CFAP54: variants seen among roughly 807,000 people sequenced by gnomAD.
The protein encoded by CFAP54 is cilia and flagella associated protein 54, also known as cilia- and flagella-associated protein 54.
Under a neutral mutation model 370.4 loss-of-function variants are expected in CFAP54, and 290 were observed. The observed-to-expected ratio is 0.78, with a 90% CI of 0.71 to 0.86. CFAP54 has a LOEUF of 0.86. Among genes scored for constraint, CFAP54 ranks in the 40% least tolerant of loss-of-function variants. The pLI, the probability that CFAP54 is intolerant of heterozygous loss-of-function variation, is 0.00. For missense variants in CFAP54, 3,399 were observed against 3,528.7 expected (o/e 0.96, Z 0.93); for synonymous variants, 1,206 against 1,236.5 (o/e 0.98, Z 0.52).
chr12:96,499,947 A>AAAAACAAAAG (rs373354448), intron 1 of CFAP54, among the ~76,000 whole-genome samples: 2 of 148,684 alleles, frequency 1.3e-5, no homozygotes, highest in Non-Finnish European at 3.0e-5. Context: ...ACTCCATCTC[A>AAAAACAAAAG]AAAACAAAAC....
Position 96,767,815 on chromosome 12 carries a change from T to C in CFAP54, c.8281+2597T>C, listed in dbSNP as rs531233140. 1.3e-4 allele frequency among the ~76,000 whole-genome samples: 20 copies of C among 152,180 alleles called. No individual in the cohort carries two copies. In the East Asian group the frequency reaches 3.7e-3, roughly 28 times the overall value. On this transcript the variant is annotated intron_variant, in intron 60 of 67. Coordinates refer to ENST00000524981, the MANE Select transcript of CFAP54 (RefSeq NM_001306084.2). ...ATAAATTAGCATCCAGCAAAAAACC[T>C]CCTCAGTAATCTTAGCTTTAAACAA... is the stretch of plus-strand genomic sequence containing the variant.
intron 1 of CFAP54, among the ~76,000 whole-genome samples, chr12:96,492,780 G>A (rs1007285034): frequency 2.0e-5 from 3 of 152,298 alleles, no homozygotes; most frequent in South Asian, 2.1e-4. Context: ...ATCACCTGCA[G>A]TCAGGAGTTC....
intron 45 of CFAP54, among the ~76,000 whole-genome samples, chr12:96,699,217 A>G (rs1180720378): frequency 2.0e-5 from 3 of 152,208 alleles, no homozygotes; most frequent in African/African-American, 7.2e-5. Flanking sequence ...GGTTGCGGAC[A>G]GCCAATTTCC....
chr12:96,520,257 C>T (rs1467004728), intron 6 of CFAP54, among the ~76,000 whole-genome samples: 1 of 152,094 alleles, frequency 6.6e-6, no homozygotes, highest in Non-Finnish European at 1.5e-5. Flanking sequence ...TATAACTTAA[C>T]TTCAGGCTGG....
chr12:96,745,175 A>G (rs1958099948), intron 55 of CFAP54, among the ~76,000 whole-genome samples: 1 of 152,210 alleles, frequency 6.6e-6, no homozygotes, highest in Admixed American at 6.5e-5. Context: ...TTTAGAATAG[A>G]GTGATTTATA....
intron 67 of CFAP54, among the ~76,000 whole-genome samples, chr12:96,869,826 T>G (rs758402261): frequency 1.4e-3 from 206 of 150,588 alleles, no homozygotes; most frequent in Non-Finnish European, 2.3e-3. Context: ...TCCCAGCTAC[T>G]TGGGAGGCTG....
intron 60 of CFAP54, among the ~76,000 whole-genome samples, chr12:96,768,033 T>G (rs1324663799): frequency 6.6e-6 from 1 of 152,054 alleles, no homozygotes; most frequent in African/African-American, 2.4e-5. Context: ...TAGACATTCA[T>G]TTTTTGGCCA....
At chr12:96,855,485 G>T (rs911699788) in intron 66 of CFAP54, among the ~76,000 whole-genome samples, 1 of 152,194 alleles carries the variant, frequency 6.6e-6, no homozygotes, top group East Asian at 1.9e-4. Flanking sequence ...TACAATGGGG[G>T]TACAGACACT....
intron 32 of CFAP54, among the ~76,000 whole-genome samples, chr12:96,633,193 C>T (rs768335288): frequency 4.8e-4 from 73 of 152,110 alleles, no homozygotes; most frequent in Non-Finnish European, 7.9e-4. Flanking sequence ...CTTTCCTTTT[C>T]GTGTTTAGCC....
intron 67 of CFAP54, among the ~76,000 whole-genome samples, chr12:96,864,763 A>T (rs562348628): frequency 6.6e-6 from 1 of 152,094 alleles, no homozygotes; most frequent in Non-Finnish European, 1.5e-5. Flanking sequence ...ACAGCCTTAG[A>T]CAGTAGCTCA....
intron 4 of CFAP54, among the ~76,000 whole-genome samples, chr12:96,509,439 A>G (rs1325416122): frequency 6.6e-6 from 1 of 152,184 alleles, no homozygotes; most frequent in African/African-American, 2.4e-5. Flanking sequence ...TTTCAGTTAG[A>G]CATTTACTCT....
At chr12:96,787,698 G>A (rs905808440) in intron 62 of CFAP54, among the ~76,000 whole-genome samples, 8 of 152,166 alleles carry the variant, frequency 5.3e-5, no homozygotes, top group Admixed American at 2.6e-4. Context: ...TGGATAAAGC[G>A]TAGTCCCTGT....
At chr12:96,784,643 T>A (rs1958611897) in intron 60 of CFAP54, 74 bp from the exon 61 acceptor site, 1 of 1,137,486 alleles carries the variant, frequency 8.8e-7, no homozygotes, top group South Asian at 2.1e-5. Flanking sequence ...CTGTGCTTTT[T>A]TTCTGTTCAT....
intron 48 of CFAP54, among the ~76,000 whole-genome samples, chr12:96,711,751 T>C (rs1957617771): frequency 6.6e-6 from 1 of 152,236 alleles, no homozygotes; most frequent in African/African-American, 2.4e-5. Context: ...ACTAATTTAA[T>C]GGTAAAGTGG....
intron 17 of CFAP54, among the ~76,000 whole-genome samples, chr12:96,563,431 CATAA>C (rs1565897781): frequency 6.6e-6 from 1 of 152,166 alleles, no homozygotes; most frequent in African/African-American, 2.4e-5. Context: ...ATGTCCATGA[CATAA>C]ATATGATGCA....
chr12:96,506,231 C>T (rs1260111832), intron 3 of CFAP54, among the ~76,000 whole-genome samples: 2 of 150,860 alleles, frequency 1.3e-5, no homozygotes, highest in Non-Finnish European at 2.9e-5. Flanking sequence ...CCCAGCTACT[C>T]AGGAGGCTGA....
intron 45 of CFAP54, among the ~76,000 whole-genome samples, chr12:96,694,535 C>G (rs1339000101): frequency 6.6e-6 from 1 of 152,040 alleles, no homozygotes. Flanking sequence ...TATATTCACC[C>G]TTTTTTCTAT....
At position 96,650,032 on chromosome 12, in the gene CFAP54, A is replaced by G. The variant is rs1353315775; in HGVS notation, c.4832A>G (p.Asp1611Gly). 3 of 1,613,122 alleles carry G rather than the reference A, an allele frequency of 1.9e-6. No individual in the cohort carries two copies. The highest frequency in any genetic ancestry group is 1.7e-5 in the Admixed American group (1 of 59,842). Residue 1611 changes from aspartate (D) to glycine (G), a missense_variant, in exon 35 of 68, where the codon GAT becomes GGT. By Grantham distance (94) the Asp-to-Gly change is moderately conservative (BLOSUM62 -1). This residue lies in a region of CFAP54 where 2,796 missense variants were observed against 2,869.7 expected (regional missense o/e 0.97). Transcript: ENST00000524981. ...KDRGANLCVM[D>G]HFMKIFLYCR... ...CGAGGAGCAAATTTGTGTGTAATGG[A>G]TCATTTTATGAAAATCTTTTTATAC... is the stretch of plus-strand genomic sequence containing the variant.
At chr12:96,710,460 T>C (rs144396186) in intron 48 of CFAP54, among the ~76,000 whole-genome samples, 65 of 152,228 alleles carry the variant, frequency 4.3e-4, no homozygotes, top group Non-Finnish European at 7.5e-4. Context: ...GGGCTGTCTC[T>C]AGATATCTGA....
Sources: allele counts gnomAD v4.1 joint callset (sites outside exome capture counted in the v4.1 genomes callset), GRCh38; gene constraint gnomAD v4.1.1; regional missense constraint gnomAD v4.1.1; transcripts MANE v1.5; gene names NCBI Gene and HGNC (gene_info 2026-07-23, HGNC 2026-07-21).